The following BRINP3 variants were observed in gnomAD, a reference collection of about 807,000 sequenced individuals.
BRINP3 encodes BMP/retinoic acid inducible neural specific 3.
A neutral mutation model predicts 71.0 loss-of-function variants in BRINP3; 19 were observed. The observed-to-expected ratio is 0.27, with a 90% confidence interval of 0.19 to 0.39. The LOEUF (loss-of-function observed/expected upper bound fraction) is 0.39. Among genes scored for constraint, BRINP3 ranks in the 10% least tolerant of loss-of-function variants. BRINP3 has a pLI of 1.00. For missense variants in BRINP3, 959 were observed against 940.8 expected, an observed-to-expected ratio of 1.02 and a Z score of -0.25; for synonymous variants, 380 against 337.7, an observed-to-expected ratio of 1.13 and a Z score of -1.37.
intron 6 of BRINP3, among the ~76,000 whole-genome samples, chr1:190,162,892 C>T (rs1651138906): frequency 6.6e-6 from 1 of 151,974 alleles, no homozygotes. Flanking sequence ...ACCACTGTCA[C>T]CCAAAACATT....
chr1:190,368,930 T>C (rs1257705537), intron 2 of BRINP3, among the ~76,000 whole-genome samples: 2 of 152,130 alleles, frequency 1.3e-5, no homozygotes, highest in East Asian at 3.9e-4. Flanking sequence ...CTTCTCCCTG[T>C]AACTGGTTAC....
intron 7 of BRINP3, among the ~76,000 whole-genome samples, chr1:190,144,459 A>T (rs545867334): frequency 2.0e-5 from 3 of 151,964 alleles, no homozygotes; most frequent in Non-Finnish European, 4.4e-5. Flanking sequence ...CAGAAATTTC[A>T]ACCCATTGTG....
rs1018938085 is a variant in BRINP3, at chr1:190,455,270, A to T, written c.-50-330T>A. ...GGACTGATGCAAATAAATAATTAAT[A>T]AGTTCAAGTATTTCATATATTTCAT... On this transcript the variant is annotated intron_variant, in intron 1 of 7. Transcript: ENST00000367462. 1.1e-4 allele frequency among the ~76,000 whole-genome samples: 17 copies of T among 152,282 alleles called. No homozygotes were observed. The South Asian group carries it at 3.1e-3, about 28-fold the overall frequency.
At chr1:190,360,959 A>G (rs1328666039) in intron 2 of BRINP3, among the ~76,000 whole-genome samples, 2 of 152,172 alleles carry the variant, frequency 1.3e-5, no homozygotes, top group Non-Finnish European at 2.9e-5. Context: ...AGTCAGGGAA[A>G]GTGTCACCAA....
chr1:190,405,226 C>A (rs576923275), intron 2 of BRINP3, among the ~76,000 whole-genome samples: 2 of 151,812 alleles, frequency 1.3e-5, no homozygotes, highest in Admixed American at 6.6e-5. Context: ...CCGAGGCGGG[C>A]GGATCACGAG....
intron 6 of BRINP3, among the ~76,000 whole-genome samples, chr1:190,166,390 C>G (rs761085024): frequency 1.1e-4 from 17 of 152,310 alleles, no homozygotes; most frequent in Non-Finnish European, 2.5e-4. Context: ...GCCAATTAAT[C>G]TGTCCCTCAC....
intron 1 of BRINP3, among the ~76,000 whole-genome samples, chr1:190,477,106 T>C (rs1318223771): frequency 6.6e-6 from 1 of 152,116 alleles, no homozygotes; most frequent in Non-Finnish European, 1.5e-5. Flanking sequence ...ACCTATAAAA[T>C]GTGACATTTC....
chr1:190,311,318 G>A (rs921504010), intron 2 of BRINP3, among the ~76,000 whole-genome samples: 4 of 151,580 alleles, frequency 2.6e-5, no homozygotes, highest in African/African-American at 4.8e-5. Context: ...AGCATCCAAG[G>A]CTACAGAAAA....
At chr1:190,413,880 A>T (rs754371920) in intron 2 of BRINP3, among the ~76,000 whole-genome samples, 3 of 152,222 alleles carry the variant, frequency 2.0e-5, no homozygotes, top group Non-Finnish European at 2.9e-5. Context: ...TATGTTCAAA[A>T]ATACTTATAA....
chr1:190,444,302 G>T (rs1368579779), intron 2 of BRINP3, among the ~76,000 whole-genome samples: 2 of 146,302 alleles, frequency 1.4e-5, no homozygotes, highest in South Asian at 4.4e-4. Context: ...AATTTTAATG[G>T]GGTGTGTTTT....
rs754129370 is a variant in BRINP3, at chr1:190,099,130, A to T, written c.1189T>A (p.Ser397Thr). 2 of 1,612,274 alleles carry T rather than the reference A, an allele frequency of 1.2e-6. No individual in the cohort carries two copies. The highest frequency in any genetic ancestry group is 1.7e-6 in the Non-Finnish European group (2 of 1,178,636). The change falls in exon 8 of 8, where the codon TCA becomes ACA. Residue 397 changes from serine to threonine, a missense_variant. Physicochemically the swap from Ser to Thr is moderately conservative, Grantham distance 58 (BLOSUM62 1). Coordinates refer to ENST00000367462, the MANE Select transcript of BRINP3 (RefSeq NM_199051.3). ...TGGATGCGAGTAAGCCAGTAGGTTGAGGTTCTAGAAATACAAAACAGAACG... is the reference window on the plus strand; with the variant it reads ...TGGATGCGAGTAAGCCAGTAGGTTGTGGTTCTAGAAATACAAAACAGAACG... ...PLISLPRQRTSTYWLTRIQSF... is the reference protein window; with the variant it reads ...PLISLPRQRTTTYWLTRIQSF...
intron 7 of BRINP3, among the ~76,000 whole-genome samples, chr1:190,125,507 A>C (rs1361235390): frequency 6.6e-6 from 1 of 152,014 alleles, no homozygotes; most frequent in East Asian, 1.9e-4. Context: ...GATAATAATG[A>C]AGAAATAAGC....
intron 2 of BRINP3, among the ~76,000 whole-genome samples, chr1:190,289,037 TG>T (rs1663652212): frequency 6.6e-6 from 1 of 151,810 alleles, no homozygotes. Context: ...TTTTAAACCA[TG>T]GATTATGTGA....
At chr1:190,367,866 A>C (rs1421953714) in intron 2 of BRINP3, among the ~76,000 whole-genome samples, 1 of 152,266 alleles carries the variant, frequency 6.6e-6, no homozygotes, top group South Asian at 2.1e-4. Flanking sequence ...GGTCAAAGCC[A>C]TTCAACAATC....
At chr1:190,253,811 T>C (rs1457669924) in intron 4 of BRINP3, among the ~76,000 whole-genome samples, 2 of 152,210 alleles carry the variant, frequency 1.3e-5, no homozygotes, top group African/African-American at 2.4e-5. Context: ...TTGCCATTGC[T>C]TTTGGTGTTT....
chr1:190,204,254 T>C (rs935433423), intron 6 of BRINP3, among the ~76,000 whole-genome samples: 4 of 151,850 alleles, frequency 2.6e-5, no homozygotes, highest in African/African-American at 9.7e-5. Context: ...TGGTTATACC[T>C]GGAGTGTCTG....
At position 190,245,776 on chromosome 1, in the gene BRINP3, C is replaced by G. The variant is rs528979156; in HGVS notation, c.619-11299G>C. Among the ~76,000 whole-genome samples, 12 of 127,822 alleles carry G rather than the reference C, an allele frequency of 9.4e-5. No individual in the cohort carries two copies. The South Asian group carries it at 3.5e-3, about 37-fold the overall frequency. The allele number at this position is 127,822 out of a possible 152,430, so 83.9% of individuals were successfully genotyped here. ...CCTCCCCCCACCCCACAACAGGCCC[C>G]AGTGTGTGATGTTCCCCTTCCTGTG... On this transcript the variant is annotated intron_variant, in intron 4 of 7. Coordinates refer to ENST00000367462, the MANE Select transcript of BRINP3 (RefSeq NM_199051.3).
intron 2 of BRINP3, among the ~76,000 whole-genome samples, chr1:190,406,071 C>T (rs1672260778): frequency 6.6e-6 from 1 of 152,142 alleles, no homozygotes. Context: ...TGCATTTCTT[C>T]AGTCTAGCCA....
chr1:190,315,700 G>A (rs1482698567), intron 2 of BRINP3, among the ~76,000 whole-genome samples: 2 of 152,094 alleles, frequency 1.3e-5, no homozygotes, highest in Non-Finnish European at 2.9e-5. Context: ...ACATAACTCT[G>A]CTAGATCCAA....
Sources: allele counts gnomAD v4.1 joint callset (sites outside exome capture counted in the v4.1 genomes callset), GRCh38; gene constraint gnomAD v4.1.1; transcripts MANE v1.5; gene names NCBI Gene and HGNC (gene_info 2026-07-23, HGNC 2026-07-21).